CLTA: variants seen among roughly 807,000 people sequenced by gnomAD.
The protein encoded by CLTA is clathrin, light polypeptide (Lca).
CLTA carries 9 observed loss-of-function variants against 26.9 expected under a neutral mutation model. That is an observed-to-expected ratio of 0.33 (90% CI 0.20 to 0.58). The LOEUF is 0.58. CLTA is among the 20% of genes least tolerant of loss of function. The pLI, the probability that CLTA is intolerant of heterozygous loss-of-function variation, is 0.85. For missense variants in CLTA, 278 were observed against 294.2 expected, an observed-to-expected ratio of 0.94 and a Z score of 0.40; for synonymous variants, 120 against 115.5, an observed-to-expected ratio of 1.04 and a Z score of -0.25.
rs1266841764 is a variant in CLTA, at chr9:36,211,934, G to A, written c.*160G>A. On this transcript the variant is annotated 3_prime_UTR_variant, in exon 5 of 5. Coordinates refer to ENST00000345519, the MANE Select transcript of CLTA (RefSeq NM_001833.4). The stretch of plus-strand genomic sequence containing the variant: ...GATTGCATGTTTCCTTCCTTCAACT[G>A]TGTTCTCCCTGGCATTCAGAGAGGA... 9 of 725,342 alleles carry A rather than the reference G, an allele frequency of 1.2e-5. No individual in the cohort carries two copies. The highest frequency in any genetic ancestry group is 2.1e-5 in the Non-Finnish European group (9 of 424,612). 44.9% of individuals were successfully genotyped at this position (725,342 alleles called of 1,614,324 possible). A position where few individuals can be genotyped will look rare whatever the true frequency, so the allele number is the denominator to read the frequency against.
At chr9:36,201,125 T>C (rs975499866) in intron 3 of CLTA, among the ~76,000 whole-genome samples, 3 of 152,242 alleles carry the variant, frequency 2.0e-5, no homozygotes, top group Non-Finnish European at 4.4e-5. Flanking sequence ...AATACTCTTA[T>C]GAGCTGTTTT....
chr9:36,194,301 A>C (rs1826906944), intron 1 of CLTA, among the ~76,000 whole-genome samples: 1 of 152,238 alleles, frequency 6.6e-6, no homozygotes, highest in South Asian at 2.1e-4. Context: ...TGCTGGAATT[A>C]CAGGTGTGAA....
chr9:36,205,386 G>A (rs1827657505), intron 4 of CLTA, among the ~76,000 whole-genome samples: 1 of 152,144 alleles, frequency 6.6e-6, no homozygotes. Flanking sequence ...TGGTCAGTAG[G>A]TGGTGCTGAC....
At chr9:36,210,021 G>T (rs924849739) in intron 4 of CLTA, among the ~76,000 whole-genome samples, 3 of 152,136 alleles carry the variant, frequency 2.0e-5, no homozygotes, top group African/African-American at 7.2e-5. Context: ...CGGGCCACTT[G>T]GGCTTCTCCC....
rs1407904056 is a variant in CLTA at position 36,197,542 on chromosome 9, G to A, written c.218-9G>A. ...CCTTATTGATAGACCAAAATCTTAT[G>A]TCTTGCAGATGCTGTTGATGGAGTA... On this transcript the variant is annotated splice_polypyrimidine_tract_variant and intron_variant, in intron 1 of 4. Transcript: ENST00000345519. The A allele has an allele frequency of 1.9e-6, 3 of 1,610,158 alleles. No individual in the cohort carries two copies. The highest frequency in any genetic ancestry group is 2.5e-6 in the Non-Finnish European group (3 of 1,177,176).
In CLTA at chr9:36,211,936, G is replaced by T. The variant is rs1485550200; in HGVS notation, c.*162G>T. ...TTGCATGTTTCCTTCCTTCAACTGT[G>T]TTCTCCCTGGCATTCAGAGAGGAGG... is the stretch of plus-strand genomic sequence containing the variant. On this transcript the variant is annotated 3_prime_UTR_variant, in exon 5 of 5. Coordinates refer to ENST00000345519, the MANE Select transcript of CLTA (RefSeq NM_001833.4). 5.5e-6 allele frequency: 4 copies of T among 722,984 alleles called. No individual in the cohort carries two copies. The African/African-American group carries it at 7.1e-5, about 13-fold the overall frequency. 44.8% of individuals were successfully genotyped at this position (722,984 alleles called of 1,614,324 possible).
Position 36,195,670 on chromosome 9 carries a change from G to A in CLTA, c.218-1881G>A, listed in dbSNP as rs1587204898. On this transcript the variant is annotated intron_variant, in intron 1 of 4. Coordinates refer to ENST00000345519, the MANE Select transcript of CLTA (RefSeq NM_001833.4). ...AGTGGGTAGAATTTTAGAAGTCTTT[G>A]AAATACATATCCTGGGCCAGGTGCG... Among the ~76,000 whole-genome samples the A allele has an allele frequency of 3.9e-5, 6 of 152,170 alleles. No individual in the cohort carries two copies. The South Asian group carries it at 1.2e-3, about 31-fold the overall frequency.
At chr9:36,198,060 G>A (rs1443254674) in intron 2 of CLTA, among the ~76,000 whole-genome samples, 4 of 137,220 alleles carry the variant, frequency 2.9e-5, no homozygotes, top group Admixed American at 2.4e-4. Context: ...GCAGTGGCAC[G>A]ATCTTGTCTC....
intron 4 of CLTA, among the ~76,000 whole-genome samples, chr9:36,207,049 A>G (rs1827765146): frequency 6.6e-6 from 1 of 152,220 alleles, no homozygotes; most frequent in African/African-American, 2.4e-5. Context: ...CAGGAAGGGC[A>G]TCCAGTTAAT....
Position 36,191,233 on chromosome 9 carries a change from C to T in CLTA, c.177C>T (p.Ala59=). The T allele has an allele frequency of 1.3e-6, 2 of 1,541,704 alleles. No individual in the cohort carries two copies. The highest frequency in any genetic ancestry group is 2.4e-5 in the South Asian group (2 of 84,138). The part of the protein sequence containing the change: ...DEAFAILDGG[A]PGPQPHGEPP... ...CCTTCGCCATCCTGGACGGCGGCGC[C>T]CCCGGGCCCCAGCCGCACGGCGAGC... The change falls in exon 1 of 5, where the codon GCC becomes GCT. Residue 59 remains alanine (A), a synonymous_variant. Coordinates refer to ENST00000345519, the MANE Select transcript of CLTA (RefSeq NM_001833.4).
chr9:36,191,188 G>A lies in CLTA; in HGVS notation c.132G>A (p.Ala44=), dbSNP rs1826687962. Residue 44 remains alanine, a synonymous_variant, in exon 1 of 5, where the codon GCG becomes GCA. Coordinates refer to ENST00000345519, the MANE Select transcript of CLTA (RefSeq NM_001833.4). ...AFLAQQESEI[A]GIENDEAFAI... Reference sequence around the variant, plus strand: ...TGGCGCAGCAAGAGAGCGAGATTGCGGGCATCGAGAACGACGAGGCCTTCG... The same window carrying A: ...TGGCGCAGCAAGAGAGCGAGATTGCAGGCATCGAGAACGACGAGGCCTTCG... 3 of 1,586,738 alleles carry A rather than the reference G, an allele frequency of 1.9e-6. No homozygotes were observed. Among genetic ancestry groups the A allele is most frequent in the South Asian group, 2.3e-5 (2 of 88,490 alleles).
At chr9:36,191,374 G>A (rs1038281082) in intron 1 of CLTA, 101 bp downstream of exon 1, 1 of 1,314,606 alleles carries the variant, frequency 7.6e-7, no homozygotes, top group South Asian at 1.6e-5. Flanking sequence ...TGCTGAATTA[G>A]GAGGTTAGGG....
In CLTA at chr9:36,191,176, G is replaced by A; in HGVS notation, c.120G>A (p.Glu40=). Reference sequence around the variant, plus strand: ...CTGCGGCCTTCTTGGCGCAGCAAGAGAGCGAGATTGCGGGCATCGAGAACG... The same window carrying A: ...CTGCGGCCTTCTTGGCGCAGCAAGAAAGCGAGATTGCGGGCATCGAGAACG... The part of the protein sequence containing the change: ...DPAAAFLAQQ[E]SEIAGIENDE... The change falls in exon 1 of 5, where the codon GAG becomes GAA. Residue 40 remains glutamate (E), a synonymous_variant. Transcript: ENST00000345519. The A allele has an allele frequency of 6.3e-7, 1 of 1,593,322 alleles. No homozygotes were observed. Among genetic ancestry groups the A allele is most frequent in the African/African-American group, 1.3e-5 (1 of 74,422 alleles).
At chr9:36,203,177 T>C (rs917713423) in intron 3 of CLTA, among the ~76,000 whole-genome samples, 3 of 152,204 alleles carry the variant, frequency 2.0e-5, no homozygotes, top group Non-Finnish European at 4.4e-5. Context: ...TGTATGTCTC[T>C]TCAGCTTAGT....
At chr9:36,197,511 A>T (rs1441316915) in intron 1 of CLTA, 40 bp from the exon 2 acceptor site, 2 of 1,520,652 alleles carry the variant, frequency 1.3e-6, no homozygotes, top group Non-Finnish European at 1.8e-6. Flanking sequence ...CCAGTGTTTG[A>T]CCAGTCCTTA....
rs117775044 is a variant in CLTA, at chr9:36,209,005, G to A, written c.486-2598G>A. On this transcript the variant is annotated intron_variant, in intron 4 of 4. Transcript: ENST00000345519. The stretch of plus-strand genomic sequence containing the variant: ...ATGATTGGGTGCTTAATAAATGCCC[G>A]TGTTGCTGGGGTGAGCCAAAGGGAT... Among the ~76,000 whole-genome samples the A allele has an allele frequency of 5.2e-3, 787 of 152,316 alleles. 1 individual carries two copies. The highest frequency in any genetic ancestry group is 9.2e-3 in the Non-Finnish European group (626 of 68,032).
chr9:36,210,568 A>G, intron 4 of CLTA: 1 of 1,613,326 alleles, frequency 6.2e-7, no homozygotes, highest in Admixed American at 1.7e-5. Context: ...GCTCATTCTC[A>G]TTTTCTATAT....
intron 4 of CLTA, chr9:36,209,439 TG>T (rs1563918441): frequency 1.3e-6 from 1 of 785,934 alleles, no homozygotes; most frequent in Non-Finnish European, 2.2e-6. Context: ...ATTGGCACTT[TG>T]GGGGCTGCCT....
At chr9:36,191,431 C>T (rs1343207808) in intron 1 of CLTA, among the ~76,000 whole-genome samples, 158 bp downstream of exon 1, 2 of 152,248 alleles carry the variant, frequency 1.3e-5, no homozygotes. Context: ...TTTCAGAAAC[C>T]TAGGCTCGAG....
Sources: gnomAD v4.1 joint callset for allele counts (sites outside exome capture counted in the v4.1 genomes callset) on GRCh38, gnomAD v4.1.1 for gene constraint, MANE v1.5 for transcripts, NCBI Gene and HGNC (gene_info 2026-07-23, HGNC 2026-07-21) for gene names.